Variants in SOX5 observed in about 807,000 individuals in gnomAD.
SOX5 encodes transcription factor SOX-5.
Under a neutral mutation model 92.0 loss-of-function variants are expected in SOX5, and 9 were observed. The ratio of observed to expected loss-of-function variants is 0.10; its 90% CI spans 0.06 to 0.17. The LOEUF (loss-of-function observed/expected upper bound fraction) is 0.17, where lower values mean the gene tolerates loss of function less well. SOX5 is among the 10% of genes least tolerant of loss of function. The pLI, the probability that SOX5 is intolerant of heterozygous loss-of-function variation, is 1.00. For missense variants in SOX5, 642 were observed against 944.5 expected (o/e 0.68, Z 4.20); for synonymous variants, 344 against 336.3 (o/e 1.02, Z -0.25).
At chr12:23,821,187 T>C (rs1177427965) in intron 3 of SOX5, among the ~76,000 whole-genome samples, 1 of 152,204 alleles carries the variant, frequency 6.6e-6, no homozygotes, top group South Asian at 2.1e-4. Flanking sequence ...TTTGTAGCAA[T>C]TGTGAATGGG....
intron 2 of SOX5, among the ~76,000 whole-genome samples, chr12:24,325,914 G>A (rs1490957369): frequency 6.6e-6 from 1 of 151,994 alleles, no homozygotes; most frequent in Non-Finnish European, 1.5e-5. Flanking sequence ...GCGCGCGTGT[G>A]TGTGTATGTT....
intron 2 of SOX5, among the ~76,000 whole-genome samples, chr12:23,849,937 G>C (rs908197266): frequency 6.6e-6 from 1 of 152,040 alleles, no homozygotes; most frequent in African/African-American, 2.4e-5. Flanking sequence ...GTAAAATTAA[G>C]TTTTCAATTT....
chr12:23,933,506 T>TCTA (rs1471238767), intron 1 of SOX5, among the ~76,000 whole-genome samples: 2 of 151,598 alleles, frequency 1.3e-5, no homozygotes, highest in Admixed American at 1.3e-4. Context: ...TGCAAATAAA[T>TCTA]CATGAGAAAG....
intron 6 of SOX5, among the ~76,000 whole-genome samples, chr12:23,706,212 A>C (rs941441910): frequency 6.6e-6 from 1 of 152,084 alleles, no homozygotes; most frequent in Non-Finnish European, 1.5e-5. Context: ...TCAGCCATAA[A>C]AGTAGATAAA....
intron 1 of SOX5, among the ~76,000 whole-genome samples, chr12:23,898,480 A>G (rs1041414340): frequency 2.6e-5 from 4 of 152,238 alleles, no homozygotes; most frequent in African/African-American, 7.2e-5. Context: ...TATGACCTTC[A>G]GAACCATGAC....
intron 2 of SOX5, among the ~76,000 whole-genome samples, chr12:24,346,498 C>A (rs1312336018): frequency 6.7e-6 from 1 of 148,230 alleles, no homozygotes; most frequent in Non-Finnish European, 1.5e-5. Context: ...GTTGCCTAGG[C>A]TGGAGTGCAG....
At chr12:24,029,332 T>C (rs551669503) in intron 4 of SOX5, among the ~76,000 whole-genome samples, 1 of 151,984 alleles carries the variant, frequency 6.6e-6, no homozygotes, top group African/African-American at 2.4e-5. Context: ...CAGAGTACAC[T>C]GGCATGATCC....
intron 1 of SOX5, among the ~76,000 whole-genome samples, chr12:24,517,702 T>TG (rs368721460): frequency 0.11 from 8,961 of 84,902 alleles, 299 homozygotes; most frequent in Middle Eastern, 0.12. Flanking sequence ...ATTAATTCCA[T>TG]GTTTTTTTTT....
chr12:23,800,910 G>A (rs1053217529), intron 3 of SOX5, among the ~76,000 whole-genome samples: 1 of 152,064 alleles, frequency 6.6e-6, no homozygotes, highest in African/African-American at 2.4e-5. Context: ...AAAAGCATTT[G>A]GTCACCTGGA....
At chr12:24,468,143 G>C (rs899089477) in intron 1 of SOX5, among the ~76,000 whole-genome samples, 1 of 152,212 alleles carries the variant, frequency 6.6e-6, no homozygotes. Context: ...GATGGAGCGG[G>C]TGAAAGGCAC....
At chr12:23,736,253 A>G (rs1488764619) in intron 5 of SOX5, among the ~76,000 whole-genome samples, 1 of 151,862 alleles carries the variant, frequency 6.6e-6, no homozygotes, top group Non-Finnish European at 1.5e-5. Flanking sequence ...CGAGGTCAGG[A>G]GATCAAGACC....
intron 3 of SOX5, among the ~76,000 whole-genome samples, chr12:24,230,147 A>C (rs758644322): frequency 2.0e-5 from 3 of 152,110 alleles, no homozygotes; most frequent in Non-Finnish European, 4.4e-5. Context: ...GAGAGTGTGT[A>C]ATGGGGGATC....
At chr12:24,059,660 T>A (rs2137251840) in intron 4 of SOX5, among the ~76,000 whole-genome samples, 1 of 152,102 alleles carries the variant, frequency 6.6e-6, no homozygotes, top group East Asian at 1.9e-4. Context: ...TGCCCCAACC[T>A]CAAACCTGGA....
At chr12:23,886,676 G>T (rs73066331) in intron 2 of SOX5, among the ~76,000 whole-genome samples, 2 of 151,872 alleles carry the variant, frequency 1.3e-5, no homozygotes, top group African/African-American at 4.8e-5. Flanking sequence ...TTTTATAAAT[G>T]ATCTCCTTCC....
chr12:23,726,739 A>G lies in SOX5; in HGVS notation c.810+7945T>C, dbSNP rs76223270. On this transcript the variant is annotated intron_variant, in intron 6 of 14. Coordinates refer to ENST00000451604, the MANE Select transcript of SOX5 (RefSeq NM_006940.6). The stretch of plus-strand genomic sequence containing the variant: ...GGAAGAGGTTGAAAAGTCATGGGAA[A>G]AATGACTGTCAGTCTGCTTTCTGGG... Among the ~76,000 whole-genome samples, 1,094 of 152,286 alleles carry G rather than the reference A, an allele frequency of 7.2e-3. 11 individuals carry two copies. The highest frequency in any genetic ancestry group is 0.025 in the African/African-American group (1,043 of 41,564).
intron 1 of SOX5, among the ~76,000 whole-genome samples, chr12:24,479,249 A>G (rs1359964701): frequency 6.6e-6 from 1 of 152,030 alleles, no homozygotes; most frequent in Non-Finnish European, 1.5e-5. Context: ...TCCACACCCC[A>G]CTGCTGTCCC....
Position 23,846,183 on chromosome 12 carries a change from C to A in SOX5, c.281G>T (p.Gly94Val), listed in dbSNP as rs773037489. 52 of 1,612,830 alleles carry A rather than the reference C, an allele frequency of 3.2e-5. No homozygotes were observed. The highest frequency in any genetic ancestry group is 6.8e-6 in the Non-Finnish European group (8 of 1,179,080). The change falls in exon 3 of 15, where the codon GGC (glycine) becomes GTC (valine). Residue 94 changes from glycine to valine, a missense_variant. Around this residue, in one of 8 missense-constraint regions of SOX5, gnomAD observed 113 missense variants for 117.7 expected, o/e 0.96. Coordinates refer to ENST00000451604, the MANE Select transcript of SOX5 (RefSeq NM_006940.6). ...GGCAAATGAAGACATAACTTTATTG[C>A]CATCAACTTCCTGAAAGAGAAAGCA... ...TSQHNTMEVD[G>V]NKVMSSFAPH...
chr12:24,186,331 A>T (rs1441464994), intron 4 of SOX5, among the ~76,000 whole-genome samples: 1 of 152,160 alleles, frequency 6.6e-6, no homozygotes, highest in Non-Finnish European at 1.5e-5. Flanking sequence ...ATGCTGAGAA[A>T]TTGTTCTGAA....
chr12:24,282,573 T>C (rs1251038153), intron 2 of SOX5, among the ~76,000 whole-genome samples: 8 of 150,344 alleles, frequency 5.3e-5, no homozygotes, highest in African/African-American at 1.2e-4. Flanking sequence ...AGGAAAACAA[T>C]AGATAACTCA....
Sources: gnomAD v4.1 joint callset for allele counts (sites outside exome capture counted in the v4.1 genomes callset) on GRCh38, gnomAD v4.1.1 for gene constraint, gnomAD v4.1.1 regional missense constraint, MANE v1.5 for transcripts, NCBI Gene and HGNC (gene_info 2026-07-23, HGNC 2026-07-21) for gene names.